GRIP1: variants seen among roughly 807,000 people sequenced by gnomAD.
The protein encoded by GRIP1 is glutamate receptor interacting protein 1, also known as glutamate receptor-interacting protein 1.
A neutral mutation model predicts 129.9 loss-of-function variants in GRIP1; 45 were observed. The ratio of observed to expected loss-of-function variants is 0.35; its 90% CI spans 0.27 to 0.44. The LOEUF is 0.44. Ranked by LOEUF, GRIP1 falls within the 20% of genes least tolerant of loss-of-function variation. The pLI is 1.00. For missense variants in GRIP1, 1,196 were observed against 1,396.8 expected, an observed-to-expected ratio of 0.86 and a Z score of 2.29; for synonymous variants, 530 against 520.8, an observed-to-expected ratio of 1.02 and a Z score of -0.24.
upstream of GRIP1, among the ~76,000 whole-genome samples, chr12:66,808,355 T>C (rs1028611168): frequency 4.6e-5 from 7 of 152,292 alleles, no homozygotes; most frequent in African/African-American, 1.2e-4. Flanking sequence ...TGGAGTGCAG[T>C]AGCACGATCT....
intron 1 of GRIP1, among the ~76,000 whole-genome samples, chr12:67,024,983 T>C (rs756385897): frequency 2.6e-5 from 4 of 152,218 alleles, no homozygotes; most frequent in Admixed American, 6.5e-5. Flanking sequence ...TGAAAACTTA[T>C]GCCAATTTTT....
chr12:66,636,237 T>C (rs10878474), intron 1 of GRIP1, among the ~76,000 whole-genome samples: 17,721 of 152,080 alleles, frequency 0.12, 1,357 homozygotes, highest in African/African-American at 0.2. Flanking sequence ...AGAATGGTGG[T>C]TACCAGGGGC....
intron 13 of GRIP1, among the ~76,000 whole-genome samples, chr12:66,437,426 A>G (rs1046760654): frequency 6.6e-6 from 1 of 152,174 alleles, no homozygotes; most frequent in African/African-American, 2.4e-5. Context: ...GAACAACAAG[A>G]TGGGAACATA....
At chr12:66,540,660 C>A (rs2061747688) in intron 3 of GRIP1, among the ~76,000 whole-genome samples, 1 of 152,168 alleles carries the variant, frequency 6.6e-6, no homozygotes, top group African/African-American at 2.4e-5. Flanking sequence ...TAAAATTAAT[C>A]ACAGAAATCA....
chr12:67,067,707 T>C (rs925269673), intron 1 of GRIP1, among the ~76,000 whole-genome samples: 1 of 152,172 alleles, frequency 6.6e-6, no homozygotes, highest in Admixed American at 6.5e-5. Context: ...CTGGAAATTG[T>C]ACATTGGTTC....
chr12:67,041,112 T>C (rs1251020884), intron 1 of GRIP1, among the ~76,000 whole-genome samples: 1 of 152,140 alleles, frequency 6.6e-6, no homozygotes, highest in African/African-American at 2.4e-5. Context: ...CTCATCTCCA[T>C]AATCCATCCT....
At chr12:66,527,509 C>T (rs1369130428) in intron 5 of GRIP1, among the ~76,000 whole-genome samples, 4 of 151,824 alleles carry the variant, frequency 2.6e-5, no homozygotes, top group Non-Finnish European at 4.4e-5. Flanking sequence ...GAACATCACA[C>T]TCCGGGGAGT....
intron 1 of GRIP1, among the ~76,000 whole-genome samples, chr12:66,922,615 A>T (rs1187022288): frequency 1.3e-5 from 2 of 152,216 alleles, no homozygotes; most frequent in East Asian, 3.8e-4. Flanking sequence ...AACCAAACCC[A>T]TAATTCCTGA....
chr12:66,855,112 A>C (rs2039981397), intron 1 of GRIP1, among the ~76,000 whole-genome samples: 1 of 151,920 alleles, frequency 6.6e-6, no homozygotes, highest in Non-Finnish European at 1.5e-5. Flanking sequence ...ACTAGTAATC[A>C]AATGTCTCAA....
At chr12:66,401,612 A>G (rs1375225322) in intron 16 of GRIP1, among the ~76,000 whole-genome samples, 1 of 72,428 alleles carries the variant, frequency 1.4e-5, no homozygotes, top group Non-Finnish European at 3.4e-5. Flanking sequence ...ATATATATAC[A>G]CACACACACA....
intron 19 of GRIP1, among the ~76,000 whole-genome samples, chr12:66,384,354 C>T (rs751074135): frequency 1.1e-4 from 17 of 152,042 alleles, no homozygotes; most frequent in Admixed American, 5.2e-4. Flanking sequence ...GATTTGAAAC[C>T]GATTAAGAGG....
chr12:66,816,295 A>G (rs144914327), intron 1 of GRIP1, among the ~76,000 whole-genome samples: 11 of 152,234 alleles, frequency 7.2e-5, no homozygotes, highest in Middle Eastern at 3.4e-3. Flanking sequence ...TGTTATTAAG[A>G]CCATTTTGGC....
chr12:66,519,620 G>A (rs973095426), intron 5 of GRIP1, among the ~76,000 whole-genome samples: 1 of 152,144 alleles, frequency 6.6e-6, no homozygotes, highest in African/African-American at 2.4e-5. Context: ...AATGAACCAA[G>A]TTCCCTGTGT....
At chr12:66,678,145 C>T (rs866613586) in intron 1 of GRIP1, among the ~76,000 whole-genome samples, 1 of 152,082 alleles carries the variant, frequency 6.6e-6, no homozygotes, top group Non-Finnish European at 1.5e-5. Flanking sequence ...CGAGATGGCA[C>T]ATCCAGAATG....
At chr12:66,424,641 A>G in intron 14 of GRIP1, among the ~76,000 whole-genome samples, 1 of 152,192 alleles carries the variant, frequency 6.6e-6, no homozygotes, top group African/African-American at 2.4e-5. Context: ...TTTTAGCATG[A>G]CTATGTCAAC....
intron 1 of GRIP1, among the ~76,000 whole-genome samples, chr12:66,931,090 T>C (rs1035859847): frequency 6.6e-6 from 1 of 152,180 alleles, no homozygotes; most frequent in Non-Finnish European, 1.5e-5. Flanking sequence ...CAACTAGATA[T>C]TGACTGTCAA....
chr12:66,792,355 C>T, intron 1 of GRIP1, among the ~76,000 whole-genome samples: 1 of 152,068 alleles, frequency 6.6e-6, no homozygotes, highest in African/African-American at 2.4e-5. Context: ...AGTGTCCACA[C>T]CCCCTTCTCC....
At chr12:67,046,019 T>C (rs535864824) in intron 1 of GRIP1, among the ~76,000 whole-genome samples, 1 of 152,290 alleles carries the variant, frequency 6.6e-6, no homozygotes, top group South Asian at 2.1e-4. Flanking sequence ...AAGCACATCA[T>C]CAAAGTAGCG....
At chr12:66,375,679 C>T (rs1031417619) in intron 22 of GRIP1, among the ~76,000 whole-genome samples, 2 of 152,198 alleles carry the variant, frequency 1.3e-5, no homozygotes, top group African/African-American at 4.8e-5. Flanking sequence ...AGCTATGTTA[C>T]AGCAAATTCA....
Sources: gnomAD v4.1 joint callset for allele counts (sites outside exome capture counted in the v4.1 genomes callset) on GRCh38, gnomAD v4.1.1 for gene constraint, MANE v1.5 for transcripts, NCBI Gene and HGNC (gene_info 2026-07-23, HGNC 2026-07-21) for gene names.